The following SAE1 variants were observed in gnomAD, a reference collection of about 807,000 sequenced individuals.
The protein encoded by SAE1 is SUMO-activating enzyme subunit 1.
A neutral mutation model predicts 40.6 loss-of-function variants in SAE1; 11 were observed. The ratio of observed to expected loss-of-function variants is 0.27; its 90% CI spans 0.17 to 0.45. SAE1 has a LOEUF of 0.45. Ranked by LOEUF, SAE1 falls within the 20% of genes least tolerant of loss-of-function variation. The probability of loss-of-function intolerance (pLI) is 1.00; values close to 1 mark genes in which losing one functional copy is unlikely to be tolerated. For missense variants in SAE1, 373 were observed against 427.3 expected (o/e 0.87, Z 1.12); for synonymous variants, 155 against 154.3 (o/e 1.00, Z -0.03).
chr19:47,204,354 C>T (rs182283776), intron 8 of SAE1, among the ~76,000 whole-genome samples: 167 of 151,706 alleles, frequency 1.1e-3, no homozygotes, highest in Admixed American at 2.0e-3. Flanking sequence ...CCTGCCACCA[C>T]GCCCAGCTAA....
chr19:47,172,604 T>C (rs1018113621), intron 6 of SAE1, among the ~76,000 whole-genome samples: 7 of 151,954 alleles, frequency 4.6e-5, no homozygotes, highest in African/African-American at 1.7e-4. Context: ...CTCGGGAGGC[T>C]GAGGCAGAAG....
chr19:47,166,622 A>G (rs2058394051), intron 5 of SAE1, among the ~76,000 whole-genome samples: 1 of 152,064 alleles, frequency 6.6e-6, no homozygotes, highest in Non-Finnish European at 1.5e-5. Context: ...GCTTATAGTC[A>G]GGCAAACAAC....
intron 6 of SAE1, among the ~76,000 whole-genome samples, chr19:47,171,825 A>G (rs1450518545): frequency 6.6e-6 from 1 of 151,346 alleles, no homozygotes; most frequent in Non-Finnish European, 1.5e-5. Context: ...CTGGTCTTGA[A>G]CTCCTGACCC....
intron 5 of SAE1, among the ~76,000 whole-genome samples, chr19:47,157,767 T>TA (rs1443109643): frequency 1.3e-5 from 2 of 152,168 alleles, no homozygotes; most frequent in Non-Finnish European, 2.9e-5. Flanking sequence ...AGTCAGCTGT[T>TA]ACACTTGAAC....
Position 47,197,335 on chromosome 19 carries a change from C to T in SAE1, c.836C>T (p.Ser279Leu). ...CAGATACGAAATGATGTGCTTGACT[C>T]ACTGGGTATTAGTCCTGACCTGCTT... The part of the protein sequence containing the change: ...LLQIRNDVLD[S>L]LGISPDLLPE... Residue 279 changes from serine (S) to leucine (L), a missense_variant, in exon 7 of 9, where the codon TCA becomes TTA. Physicochemically the swap from Ser to Leu is moderately radical, Grantham distance 145 (BLOSUM62 -2). This residue lies in a region of SAE1 where 351 missense variants were observed against 390.6 expected (regional missense o/e 0.90). Transcript: ENST00000270225. 1.2e-6 allele frequency: 2 copies of T among 1,614,062 alleles called. No homozygotes were observed. The highest frequency in any genetic ancestry group is 1.7e-6 in the Non-Finnish European group (2 of 1,179,934).
intron 6 of SAE1, among the ~76,000 whole-genome samples, chr19:47,176,595 T>C (rs1416268194): frequency 2.6e-5 from 4 of 152,234 alleles, no homozygotes; most frequent in African/African-American, 9.6e-5. Context: ...CCTACCCCTG[T>C]GGCACCCATC....
At chr19:47,135,800 AT>A (rs566889316) in intron 1 of SAE1, among the ~76,000 whole-genome samples, 10 of 146,450 alleles carry the variant, frequency 6.8e-5, no homozygotes, top group East Asian at 2.0e-4. Context: ...CACAATTTCT[AT>A]TTTTTTTTTT....
At chr19:47,144,856 G>A (rs747041045) in intron 2 of SAE1, among the ~76,000 whole-genome samples, 1 of 152,150 alleles carries the variant, frequency 6.6e-6, no homozygotes, top group Non-Finnish European at 1.5e-5. Context: ...TTTGCGAGAC[G>A]AGTCTTGCTG....
chr19:47,201,033 AT>A (rs1214795152), intron 7 of SAE1, among the ~76,000 whole-genome samples: 1 of 145,958 alleles, frequency 6.9e-6, no homozygotes, highest in Non-Finnish European at 1.5e-5. Flanking sequence ...ATTTTTTTTT[AT>A]TTTTTTATTT....
chr19:47,132,943 T>C (rs1297214680), intron 1 of SAE1, among the ~76,000 whole-genome samples: 1 of 149,268 alleles, frequency 6.7e-6, no homozygotes, highest in Admixed American at 6.7e-5. Flanking sequence ...TATTAAAGGA[T>C]GGTGAAGTGA....
chr19:47,185,121 G>A (rs990570572), intron 6 of SAE1, among the ~76,000 whole-genome samples: 21 of 151,796 alleles, frequency 1.4e-4, no homozygotes, highest in Non-Finnish European at 2.4e-4. Flanking sequence ...TACCATGCCC[G>A]GCCATTATAT....
chr19:47,153,165 A>G, intron 4 of SAE1, 125 bp downstream of exon 4: 1 of 829,336 alleles, frequency 1.2e-6, no homozygotes, highest in Non-Finnish European at 1.7e-6. Flanking sequence ...CTGGTCTTGA[A>G]CTCCTGGGCT....
At chr19:47,204,960 G>A (rs1232866318) in intron 8 of SAE1, among the ~76,000 whole-genome samples, 1 of 152,108 alleles carries the variant, frequency 6.6e-6, no homozygotes, top group Admixed American at 6.6e-5. Context: ...CTTATACAGG[G>A]TCACATAACC....
chr19:47,133,897 CTG>C (rs1403499378), intron 1 of SAE1, among the ~76,000 whole-genome samples: 1 of 149,754 alleles, frequency 6.7e-6, no homozygotes, highest in African/African-American at 2.5e-5. Flanking sequence ...GAGTCTCACT[CTG>C]TCGCCCAGGC....
chr19:47,147,683 C>A (rs1403443096), intron 2 of SAE1, among the ~76,000 whole-genome samples: 2 of 151,244 alleles, frequency 1.3e-5, no homozygotes, highest in Non-Finnish European at 2.9e-5. Context: ...GAACTTCTGA[C>A]CTCAAGTGAT....
At chr19:47,176,828 G>C (rs982577891) in intron 6 of SAE1, among the ~76,000 whole-genome samples, 2 of 152,164 alleles carry the variant, frequency 1.3e-5, no homozygotes, top group East Asian at 3.8e-4. Flanking sequence ...TGAGCAAAAG[G>C]TCTCTTCTTT....
rs1342032809 is a variant in SAE1, at chr19:47,153,143, A to G, written c.527+103A>G. ...TATGTGTAGAGACAGGATCTATGCT[A>G]TGTTGTTCAAGCTGGTCTTGAACTC... On this transcript the variant is annotated intron_variant, in intron 4 of 8. Transcript: ENST00000270225. The G allele has an allele frequency of 4.2e-5, 45 of 1,062,806 alleles. 1 individual carries two copies. The South Asian group carries it at 6.9e-4, about 16-fold the overall frequency. 65.8% of individuals were successfully genotyped at this position (1,062,806 alleles called of 1,614,324 possible). A position where few individuals can be genotyped will look rare whatever the true frequency, so the allele number is the denominator to read the frequency against.
intron 5 of SAE1, among the ~76,000 whole-genome samples, chr19:47,168,178 G>C (rs778639976): frequency 6.6e-6 from 1 of 151,940 alleles, no homozygotes; most frequent in Non-Finnish European, 1.5e-5. Context: ...GGTGACAGAG[G>C]GGGAGACTGT....
chr19:47,184,610 C>T (rs1391983343), intron 6 of SAE1, among the ~76,000 whole-genome samples: 1 of 151,896 alleles, frequency 6.6e-6, no homozygotes, highest in Non-Finnish European at 1.5e-5. Context: ...GGGGTTTCAC[C>T]ACGTTGGCCA....
Sources: gnomAD v4.1 joint callset for allele counts (sites outside exome capture counted in the v4.1 genomes callset) on GRCh38, gnomAD v4.1.1 for gene constraint, gnomAD v4.1.1 regional missense constraint, MANE v1.5 for transcripts, NCBI Gene and HGNC (gene_info 2026-07-23, HGNC 2026-07-21) for gene names.